CNTNAP5: variants seen among roughly 807,000 people sequenced by gnomAD.
CNTNAP5 encodes contactin associated protein family member 5.
A neutral mutation model predicts 150.2 loss-of-function variants in CNTNAP5; 72 were observed. The observed-to-expected ratio is 0.48, with a 90% confidence interval of 0.40 to 0.58. The LOEUF (loss-of-function observed/expected upper bound fraction) is 0.58, where lower values mean the gene tolerates loss of function less well. Ranked by LOEUF, CNTNAP5 falls within the 20% of genes least tolerant of loss-of-function variation. The probability of loss-of-function intolerance (pLI) is 0.00; values close to 1 mark genes in which losing one functional copy is unlikely to be tolerated. For missense variants in CNTNAP5, 1,636 were observed against 1,626.2 expected (o/e 1.01, Z -0.10); for synonymous variants, 672 against 619.8 (o/e 1.08, Z -1.25).
chr2:124,628,003 A>G (rs4848251), intron 12 of CNTNAP5, among the ~76,000 whole-genome samples: 79,535 of 152,006 alleles, frequency 0.52, 21,951 homozygotes, highest in Non-Finnish European at 0.62. Context: ...AAGGCAGGCC[A>G]ACAAGATTAG....
At chr2:124,130,190 T>C (rs974409816) in intron 1 of CNTNAP5, among the ~76,000 whole-genome samples, 1 of 152,164 alleles carries the variant, frequency 6.6e-6, no homozygotes, top group African/African-American at 2.4e-5. Context: ...CATTTCACTC[T>C]TAAGTTCCAA....
intron 11 of CNTNAP5, among the ~76,000 whole-genome samples, chr2:124,586,528 TATCCTC>T (rs1431996787): frequency 6.6e-6 from 1 of 152,234 alleles, no homozygotes; most frequent in Non-Finnish European, 1.5e-5. Flanking sequence ...AATACAATAA[TATCCTC>T]ATCTTCAAAT....
At chr2:124,489,199 G>T (rs1321417194) in intron 7 of CNTNAP5, among the ~76,000 whole-genome samples, 1 of 152,168 alleles carries the variant, frequency 6.6e-6, no homozygotes, top group Non-Finnish European at 1.5e-5. Flanking sequence ...GTATTAGTCT[G>T]CTCTCACTGC....
At chr2:124,905,532 T>A (rs1263536144) in intron 22 of CNTNAP5, among the ~76,000 whole-genome samples, 2 of 152,216 alleles carry the variant, frequency 1.3e-5, no homozygotes, top group Non-Finnish European at 2.9e-5. Context: ...CTTTTCTTAG[T>A]CACTGTCATT....
chr2:124,567,185 T>C (rs908244524), intron 11 of CNTNAP5, among the ~76,000 whole-genome samples: 2 of 152,092 alleles, frequency 1.3e-5, no homozygotes, highest in Non-Finnish European at 2.9e-5. Context: ...CCAGCCTTTG[T>C]GGATAAGAGA....
intron 11 of CNTNAP5, among the ~76,000 whole-genome samples, chr2:124,567,850 T>TAGATAG (rs1553480416): frequency 5.1e-4 from 60 of 116,896 alleles, no homozygotes; most frequent in African/African-American, 1.7e-3. Context: ...GATAGATAGA[T>TAGATAG]AGATAGATAG....
At chr2:124,491,382 C>T (rs1694021510) in intron 7 of CNTNAP5, among the ~76,000 whole-genome samples, 1 of 151,438 alleles carries the variant, frequency 6.6e-6, no homozygotes. Flanking sequence ...TTTCCTCTTT[C>T]TTATATATGT....
In CNTNAP5 at chr2:124,470,272, G is replaced by C. The variant is rs562639028; in HGVS notation, c.919-4467G>C. ...TTTAATGATAGCCATTCTGACTGGT[G>C]TGAGATGGTATCTCATTGTGGTTTT... On this transcript the variant is annotated intron_variant, in intron 6 of 23. Transcript: ENST00000682447. Among the ~76,000 whole-genome samples the C allele has an allele frequency of 4.0e-4, 61 of 152,280 alleles. No homozygotes were observed. In the Middle Eastern group the frequency reaches 0.014, roughly 34 times the overall value.
intron 19 of CNTNAP5, among the ~76,000 whole-genome samples, chr2:124,843,107 T>G (rs1318603031): frequency 6.6e-6 from 1 of 152,134 alleles, no homozygotes; most frequent in African/African-American, 2.4e-5. Flanking sequence ...CTTATGCCTT[T>G]GCATCATCAT....
intron 16 of CNTNAP5, among the ~76,000 whole-genome samples, chr2:124,766,931 A>G (rs1363360553): frequency 1.3e-5 from 2 of 152,174 alleles, no homozygotes; most frequent in Non-Finnish European, 2.9e-5. Context: ...CCAAGACAAG[A>G]TTTTATATAA....
chr2:124,704,924 C>T (rs1679602050), intron 13 of CNTNAP5, among the ~76,000 whole-genome samples: 1 of 152,216 alleles, frequency 6.6e-6, no homozygotes, highest in Non-Finnish European at 1.5e-5. Flanking sequence ...GACTAAAATA[C>T]CACTTTTTCT....
intron 1 of CNTNAP5, among the ~76,000 whole-genome samples, chr2:124,130,822 G>A (rs372623186): frequency 2.6e-5 from 4 of 151,994 alleles, no homozygotes; most frequent in East Asian, 3.9e-4. Context: ...TTTAGTGCTC[G>A]GTAATGTACT....
At chr2:124,212,995 C>A (rs951319089) in intron 1 of CNTNAP5, among the ~76,000 whole-genome samples, 1 of 151,874 alleles carries the variant, frequency 6.6e-6, no homozygotes, top group African/African-American at 2.4e-5. Flanking sequence ...CCTGGCACCA[C>A]GCCCGGCTAA....
At chr2:124,906,941 C>CA (rs1307990877) in intron 22 of CNTNAP5, among the ~76,000 whole-genome samples, 1 of 151,826 alleles carries the variant, frequency 6.6e-6, no homozygotes, top group East Asian at 1.9e-4. Flanking sequence ...GTGGAGATAA[C>CA]AAAAAATAAG....
intron 17 of CNTNAP5, among the ~76,000 whole-genome samples, chr2:124,781,597 C>G (rs1288662430): frequency 1.3e-5 from 2 of 152,060 alleles, no homozygotes; most frequent in African/African-American, 4.8e-5. Flanking sequence ...AGCCCAAACG[C>G]CTCAGGGCCT....
intron 21 of CNTNAP5, among the ~76,000 whole-genome samples, chr2:124,874,864 G>A (rs1396216632): frequency 2.6e-5 from 4 of 151,872 alleles, no homozygotes; most frequent in African/African-American, 4.8e-5. Context: ...TCTCCTACTT[G>A]CCAGTTTGAT....
At chr2:124,150,134 AG>A (rs781626709) in intron 1 of CNTNAP5, among the ~76,000 whole-genome samples, 7 of 152,254 alleles carry the variant, frequency 4.6e-5, no homozygotes, top group African/African-American at 7.2e-5. Context: ...TTTCTACAAG[AG>A]CGTGTGGATT....
At chr2:124,433,835 T>C (rs1305591306) in intron 4 of CNTNAP5, among the ~76,000 whole-genome samples, 1 of 152,356 alleles carries the variant, frequency 6.6e-6, no homozygotes, top group East Asian at 1.9e-4. Flanking sequence ...TTACTTGACC[T>C]TCACCTTGTT....
chr2:124,808,851 T>G (rs1337842300), intron 19 of CNTNAP5, among the ~76,000 whole-genome samples: 1 of 152,012 alleles, frequency 6.6e-6, no homozygotes, highest in African/African-American at 2.4e-5. Flanking sequence ...GAACCAAAGA[T>G]TGTCCAAAGC....
Sources: gnomAD v4.1 joint callset for allele counts (sites outside exome capture counted in the v4.1 genomes callset) on GRCh38, gnomAD v4.1.1 for gene constraint, MANE v1.5 for transcripts, NCBI Gene and HGNC (gene_info 2026-07-23, HGNC 2026-07-21) for gene names.